The following DNAAF11 variants were observed in gnomAD, a reference collection of about 807,000 sequenced individuals.
DNAAF11 encodes dynein axonemal assembly factor 11.
Under a neutral mutation model 60.8 loss-of-function variants are expected in DNAAF11, and 45 were observed. That is an observed-to-expected ratio of 0.74 (90% confidence interval 0.58 to 0.95). The LOEUF (loss-of-function observed/expected upper bound fraction) is 0.95. DNAAF11 is among the 40% of genes least tolerant of loss of function. DNAAF11 has a pLI of 0.00. For synonymous variants in DNAAF11, 191 were observed against 183.5 expected (o/e 1.04, Z -0.33); for missense variants, 546 against 546.2 (o/e 1.00, Z 0.00).
chr8:132,580,666 G>A (rs1247582012), intron 11 of DNAAF11, among the ~76,000 whole-genome samples: 1 of 151,942 alleles, frequency 6.6e-6, no homozygotes, highest in African/African-American at 2.4e-5. Flanking sequence ...ATAAAACATT[G>A]GTATGCTTAT....
At chr8:132,601,412 C>T (rs961384403) in intron 10 of DNAAF11, among the ~76,000 whole-genome samples, 1 of 152,172 alleles carries the variant, frequency 6.6e-6, no homozygotes, top group Non-Finnish European at 1.5e-5. Context: ...ACCCAGTCAT[C>T]CTACTACTGG....
chr8:132,695,942 G>A, the DNAAF11 span, among the ~76,000 whole-genome samples: 1 of 152,160 alleles, frequency 6.6e-6, no homozygotes, highest in Non-Finnish European at 1.5e-5. Context: ...TAAGTGAAAA[G>A]GTGTCAGGAC....
chr8:132,586,580 T>C (rs1013835474), intron 10 of DNAAF11, among the ~76,000 whole-genome samples: 1 of 152,106 alleles, frequency 6.6e-6, no homozygotes, highest in Non-Finnish European at 1.5e-5. Context: ...ACGTGGTCTT[T>C]TCAGTTCTGG....
chr8:132,637,681 T>C (rs927924100), intron 4 of DNAAF11, among the ~76,000 whole-genome samples: 5 of 152,220 alleles, frequency 3.3e-5, no homozygotes, highest in East Asian at 3.8e-4. Context: ...TTTGAACTCA[T>C]TGAGAAAAAG....
At chr8:132,676,090 C>G (rs2130928485), upstream of DNAAF11, among the ~76,000 whole-genome samples, 2 of 152,290 alleles carry the variant, frequency 1.3e-5, no homozygotes, top group South Asian at 4.1e-4. Flanking sequence ...TTGTCGTTGT[C>G]ATATTCCAGC....
the DNAAF11 span, among the ~76,000 whole-genome samples, chr8:132,682,098 A>C: frequency 4.6e-5 from 7 of 152,226 alleles, no homozygotes; most frequent in Non-Finnish European, 1.0e-4. Flanking sequence ...TTTTCAATTG[A>C]AAGATGGTGC....
chr8:132,674,003 G>A (rs933720358), intron 1 of DNAAF11, among the ~76,000 whole-genome samples: 1 of 151,570 alleles, frequency 6.6e-6, no homozygotes, highest in Non-Finnish European at 1.5e-5. Context: ...CGAAGAAGAA[G>A]GAGAAGGAGA....
At chr8:132,633,079 A>T in intron 4 of DNAAF11, 116 bp from the exon 5 acceptor site, 1 of 610,688 alleles carries the variant, frequency 1.6e-6, no homozygotes, top group East Asian at 2.8e-5. Context: ...GAATTAAAAC[A>T]ATATAATTAA....
chr8:132,650,486 G>A (rs901819980), intron 3 of DNAAF11, among the ~76,000 whole-genome samples: 1 of 152,006 alleles, frequency 6.6e-6, no homozygotes, highest in African/African-American at 2.4e-5. Flanking sequence ...CCTGCACATT[G>A]TGCACATGTA....
the DNAAF11 span, among the ~76,000 whole-genome samples, chr8:132,681,370 A>G: frequency 5.3e-5 from 8 of 150,676 alleles, no homozygotes; most frequent in Non-Finnish European, 4.4e-5. Context: ...TTACCCTAAA[A>G]AGTGGGTACA....
chr8:132,629,393 G>A (rs1029634337), intron 5 of DNAAF11, among the ~76,000 whole-genome samples: 2 of 150,376 alleles, frequency 1.3e-5, no homozygotes, highest in Non-Finnish European at 2.9e-5. Context: ...TGTTGCCCAG[G>A]CTGGAGTGCA....
chr8:132,615,187 A>C (rs919721154), intron 7 of DNAAF11, 90 bp from the exon 8 acceptor site: 2 of 676,796 alleles, frequency 3.0e-6, no homozygotes, highest in Non-Finnish European at 5.1e-6. Flanking sequence ...AGATTAGATA[A>C]TAATTCTATA....
intron 3 of DNAAF11, among the ~76,000 whole-genome samples, chr8:132,652,587 T>C (rs778419368): frequency 6.6e-6 from 1 of 152,100 alleles, no homozygotes; most frequent in Non-Finnish European, 1.5e-5. Flanking sequence ...AATTCACATA[T>C]ACACCATGGA....
chr8:132,602,523 A>T (rs182575232), intron 10 of DNAAF11, among the ~76,000 whole-genome samples: 1 of 152,080 alleles, frequency 6.6e-6, no homozygotes, highest in East Asian at 1.9e-4. Flanking sequence ...CCCTATGTAA[A>T]TTTCTGCTTC....
chr8:132,688,689 G>C, the DNAAF11 span, among the ~76,000 whole-genome samples: 10 of 152,272 alleles, frequency 6.6e-5, no homozygotes, highest in East Asian at 1.9e-3. Flanking sequence ...CAACATATGG[G>C]AGAGAAGAAC....
chr8:132,590,031 G>A (rs183989135), intron 10 of DNAAF11, among the ~76,000 whole-genome samples: 24 of 152,286 alleles, frequency 1.6e-4, no homozygotes, highest in African/African-American at 4.1e-4. Context: ...GTGTCTTAAC[G>A]CATAGTACAG....
intron 1 of DNAAF11, among the ~76,000 whole-genome samples, chr8:132,665,922 A>G (rs974254274): frequency 7.2e-6 from 1 of 139,526 alleles, no homozygotes; most frequent in African/African-American, 2.9e-5. Flanking sequence ...AGCCATAAAA[A>G]GAAAAAATCA....
chr8:132,695,778 T>C, the DNAAF11 span, among the ~76,000 whole-genome samples: 6 of 152,190 alleles, frequency 3.9e-5, no homozygotes, highest in Non-Finnish European at 7.4e-5. Context: ...AGCATGTGGG[T>C]GAAGCTGAAT....
chr8:132,690,605 C>T, the DNAAF11 span, among the ~76,000 whole-genome samples: 594 of 152,250 alleles, frequency 3.9e-3, 5 homozygotes, highest in African/African-American at 0.013. Context: ...ATAAACTCCA[C>T]ATTTTATTTA....
Sources: gnomAD v4.1 joint callset for allele counts (sites outside exome capture counted in the v4.1 genomes callset) on GRCh38, gnomAD v4.1.1 for gene constraint, MANE v1.5 for transcripts, NCBI Gene and HGNC (gene_info 2026-07-23, HGNC 2026-07-21) for gene names.